LYRM7: variants seen among roughly 807,000 people sequenced by gnomAD.
The protein encoded by LYRM7 is complex III assembly factor LYRM7.
A neutral mutation model predicts 15.8 loss-of-function variants in LYRM7; 9 were observed. That is an observed-to-expected ratio of 0.57 (90% confidence interval 0.34 to 0.99). LYRM7 has a LOEUF of 0.99. Among genes scored for constraint, LYRM7 ranks in the 50% least tolerant of loss-of-function variants. The pLI is 0.02. For synonymous variants in LYRM7, 39 were observed against 39.4 expected, an observed-to-expected ratio of 0.99 and a Z score of 0.04; for missense variants, 115 against 119.1, an observed-to-expected ratio of 0.97 and a Z score of 0.16.
chr5:131,179,363 A>G (rs1212239408), intron 1 of LYRM7, among the ~76,000 whole-genome samples: 4 of 152,050 alleles, frequency 2.6e-5, no homozygotes, highest in Admixed American at 6.5e-5. Context: ...CAGAAAAGGA[A>G]TACTGTTTAA....
Position 131,202,430 on chromosome 5 carries a change from G to A in LYRM7, c.*2829G>A, listed in dbSNP as rs1332868221. On this transcript the variant is annotated 3_prime_UTR_variant, in exon 5 of 5. Transcript: ENST00000379380. ...AATTACTTGAGCCAGGGAAGCAGAG[G>A]TTGTGGTGAGCTAAGATTGTGCCAC... 1 of 152,262 alleles carries A rather than the reference G, an allele frequency of 6.6e-6. No homozygotes were observed. The highest frequency in any genetic ancestry group is 1.5e-5 in the Non-Finnish European group (1 of 68,108). The allele number at this position is 152,262 out of a possible 1,614,324, so 9.4% of individuals were successfully genotyped here.
At chr5:131,176,782 T>G (rs1015138890) in intron 1 of LYRM7, among the ~76,000 whole-genome samples, 1 of 152,208 alleles carries the variant, frequency 6.6e-6, no homozygotes, top group Admixed American at 6.6e-5. Context: ...GCGTACCCTT[T>G]GCTTAGCACC....
chr5:131,184,334 A>T (rs1755759449), intron 3 of LYRM7, among the ~76,000 whole-genome samples: 1 of 151,990 alleles, frequency 6.6e-6, no homozygotes, highest in Admixed American at 6.6e-5. Context: ...TTGTAGTTGG[A>T]AAAGAGTAAA....
chr5:131,187,229 T>A (rs1448253914), intron 4 of LYRM7, 120 bp downstream of exon 4: 5 of 565,778 alleles, frequency 8.8e-6, no homozygotes, highest in Non-Finnish European at 1.6e-5. Flanking sequence ...ATATGGTATA[T>A]AGCATATATA....
intron 2 of LYRM7, among the ~76,000 whole-genome samples, chr5:131,181,748 A>G (rs980433170): frequency 6.6e-6 from 1 of 151,800 alleles, no homozygotes; most frequent in African/African-American, 2.4e-5. Context: ...TTTATTTGTC[A>G]CTCACTTTAT....
chr5:131,190,888 C>T (rs535225411), intron 4 of LYRM7, among the ~76,000 whole-genome samples: 12 of 152,166 alleles, frequency 7.9e-5, no homozygotes, highest in African/African-American at 2.2e-4. Context: ...TTTAGAGTTT[C>T]TGTGTAGTAT....
intron 1 of LYRM7, among the ~76,000 whole-genome samples, chr5:131,176,076 A>C (rs1755598104): frequency 1.3e-5 from 2 of 152,178 alleles, no homozygotes; most frequent in Admixed American, 6.5e-5. Flanking sequence ...GCTTATTAAG[A>C]GCTAATTAAG....
chr5:131,175,999 A>G (rs993991249), intron 1 of LYRM7, among the ~76,000 whole-genome samples: 4 of 152,112 alleles, frequency 2.6e-5, no homozygotes, highest in African/African-American at 9.7e-5. Context: ...TGCTCAAGCG[A>G]TCCACCCACC....
At chr5:131,176,479 T>A (rs770990251) in intron 1 of LYRM7, among the ~76,000 whole-genome samples, 2 of 152,018 alleles carry the variant, frequency 1.3e-5, no homozygotes, top group African/African-American at 2.4e-5. Context: ...AGATGGCACA[T>A]GACATTGAAC....
chr5:131,181,302 A>AAAAATATATATATATAT (rs1554089865), intron 2 of LYRM7, among the ~76,000 whole-genome samples: 4 of 8,766 alleles, frequency 4.6e-4, no homozygotes, highest in African/African-American at 6.5e-4. Flanking sequence ...AAAAAAAAAA[A>AAAAATATATATATATAT]ATATATATAT....
At chr5:131,191,737 A>G (rs529279655) in intron 4 of LYRM7, among the ~76,000 whole-genome samples, 25 of 152,262 alleles carry the variant, frequency 1.6e-4, no homozygotes, top group Non-Finnish European at 3.4e-4. Context: ...AAAAAGACAG[A>G]AAATAACAAA....
chr5:131,181,290 A>ATATAT (rs1396017955), intron 2 of LYRM7, among the ~76,000 whole-genome samples: 1 of 16,492 alleles, frequency 6.1e-5, no homozygotes, highest in Admixed American at 1.3e-3. Flanking sequence ...AAAAAAAAAA[A>ATATAT]AAAAAAAAAA....
intron 3 of LYRM7, among the ~76,000 whole-genome samples, chr5:131,183,256 A>C (rs1005700580): frequency 1.3e-5 from 2 of 152,184 alleles, no homozygotes; most frequent in Non-Finnish European, 2.9e-5. Context: ...TAAAATAAAC[A>C]AAAAGGGAAA....
Position 131,202,547 on chromosome 5 carries a change from C to G in LYRM7, c.*2946C>G, listed in dbSNP as rs1367832153. 1 of 152,840 alleles carries G rather than the reference C, an allele frequency of 6.5e-6. No homozygotes were observed. The highest frequency in any genetic ancestry group is 1.5e-5 in the Non-Finnish European group (1 of 68,060). The allele number at this position is 152,840 out of a possible 1,614,324, so 9.5% of individuals were successfully genotyped here. The stretch of plus-strand genomic sequence containing the variant: ...TGGGTATCTCACCATGTTGCCCAGG[C>G]TGGAGTGCAGTAGCTATTCATAGGC... On this transcript the variant is annotated 3_prime_UTR_variant, in exon 5 of 5. Transcript: ENST00000379380.
chr5:131,171,075 C>T (rs914534339), intron 1 of LYRM7, 37 bp downstream of exon 1: 9 of 1,503,530 alleles, frequency 6.0e-6, no homozygotes, highest in Non-Finnish European at 7.9e-6. Context: ...ACGATGCCGT[C>T]GGGGAGGGTA....
chr5:131,187,099 C>G lies in LYRM7; in HGVS notation c.234C>G (p.His78Gln), dbSNP rs761951324. The G allele has an allele frequency of 2.0e-6, 3 of 1,517,908 alleles. No individual in the cohort carries two copies. The highest frequency in any genetic ancestry group is 1.2e-5 in the South Asian group (1 of 82,904). The allele number at this position is 1,517,908 out of a possible 1,614,324, so 94.0% of individuals were successfully genotyped here. A position where few individuals can be genotyped will look rare whatever the true frequency, so the allele number is the denominator to read the frequency against. The change falls in exon 4 of 5, where the codon CAC (histidine) becomes CAG (glutamine). Residue 78 changes from histidine to glutamine, a missense_variant. Physicochemically the swap from His to Gln is conservative, Grantham distance 24. Transcript: ENST00000379380. Reference sequence around the variant, plus strand: ...TTATACAAGGTATTCACACAGACCACAATACACTGAGTAAGTAAAATTAAA... The same window carrying G: ...TTATACAAGGTATTCACACAGACCAGAATACACTGAGTAAGTAAAATTAAA... Reference protein sequence around the residue: ...TSVIQGIHTDHNTLKLVPRKD... With the variant: ...TSVIQGIHTDQNTLKLVPRKD...
At chr5:131,192,078 C>T (rs1403910215) in intron 4 of LYRM7, among the ~76,000 whole-genome samples, 2 of 136,020 alleles carry the variant, frequency 1.5e-5, no homozygotes, top group South Asian at 2.3e-4. Flanking sequence ...CACACACACA[C>T]ACAATGCAAT....
rs1158845340 is a variant in LYRM7, at chr5:131,202,867, T to C, written c.*3266T>C. The C allele has an allele frequency of 6.6e-6, 1 of 152,270 alleles. No homozygotes were observed. The highest frequency in any genetic ancestry group is 1.9e-4 in the East Asian group (1 of 5,336). 9.4% of individuals were successfully genotyped at this position (152,270 alleles called of 1,614,324 possible). The stretch of plus-strand genomic sequence containing the variant: ...ACAATCTTTTAGCGGAAGTTAGAAA[T>C]GGTATATAGCAGGAGAGTCAGATTT... On this transcript the variant is annotated 3_prime_UTR_variant, in exon 5 of 5. Coordinates refer to ENST00000379380, the MANE Select transcript of LYRM7 (RefSeq NM_181705.4).
intron 4 of LYRM7, among the ~76,000 whole-genome samples, chr5:131,198,076 G>A (rs1755998608): frequency 6.6e-6 from 1 of 151,682 alleles, no homozygotes; most frequent in African/African-American, 2.4e-5. Context: ...CAGACATAAT[G>A]CCTATTTACC....
Sources: allele counts gnomAD v4.1 joint callset (sites outside exome capture counted in the v4.1 genomes callset), GRCh38; gene constraint gnomAD v4.1.1; transcripts MANE v1.5; gene names NCBI Gene and HGNC (gene_info 2026-07-23, HGNC 2026-07-21).